LRFN2: variants seen among roughly 807,000 people sequenced by gnomAD.
LRFN2 encodes leucine-rich repeat and fibronectin type-III domain-containing protein 2.
A neutral mutation model predicts 37.3 loss-of-function variants in LRFN2; 18 were observed. That is an observed-to-expected ratio of 0.48 (90% confidence interval 0.33 to 0.72). The LOEUF is 0.72. Ranked by LOEUF, LRFN2 falls within the 30% of genes least tolerant of loss-of-function variation. LRFN2 has a pLI of 0.02. For missense variants in LRFN2, 1,006 were observed against 1,060.7 expected (o/e 0.95, Z 0.72); for synonymous variants, 556 against 466.6 (o/e 1.19, Z -2.47).
intron 1 of LRFN2, among the ~76,000 whole-genome samples, chr6:40,569,173 A>C (rs1767143664): frequency 6.6e-6 from 1 of 152,228 alleles, no homozygotes; most frequent in South Asian, 2.1e-4. Context: ...GGCAGGAAGC[A>C]TGAGTCCCCA....
At chr6:40,547,617 G>C (rs1766690926) in intron 1 of LRFN2, among the ~76,000 whole-genome samples, 1 of 152,148 alleles carries the variant, frequency 6.6e-6, no homozygotes, top group Non-Finnish European at 1.5e-5. Context: ...TGGGCATCAT[G>C]CCCTCTGCCT....
chr6:40,545,574 C>T (rs951150149), intron 1 of LRFN2, among the ~76,000 whole-genome samples: 5 of 152,080 alleles, frequency 3.3e-5, no homozygotes, highest in African/African-American at 1.2e-4. Context: ...CAGAGACACA[C>T]AGCCATGGCC....
intron 2 of LRFN2, among the ~76,000 whole-genome samples, chr6:40,403,728 C>A (rs566156551): frequency 1.2e-3 from 182 of 152,276 alleles, no homozygotes; most frequent in African/African-American, 4.3e-3. Context: ...TCCTTGCTCC[C>A]ATCCCCCAGC....
chr6:40,472,292 C>A (rs1256599979), intron 1 of LRFN2, among the ~76,000 whole-genome samples: 4 of 152,236 alleles, frequency 2.6e-5, no homozygotes, highest in African/African-American at 9.6e-5. Flanking sequence ...CCATCAAAAC[C>A]CACAGCAGGT....
chr6:40,456,495 G>C (rs1764238693), intron 1 of LRFN2, among the ~76,000 whole-genome samples: 1 of 152,190 alleles, frequency 6.6e-6, no homozygotes, highest in African/African-American at 2.4e-5. Flanking sequence ...TAGGGTCACT[G>C]ATCTCTTTGA....
At chr6:40,483,967 T>C (rs928203878) in intron 1 of LRFN2, among the ~76,000 whole-genome samples, 4 of 152,094 alleles carry the variant, frequency 2.6e-5, no homozygotes, top group Non-Finnish European at 5.9e-5. Flanking sequence ...GCCGCCTCTG[T>C]CCCCTCTCCC....
chr6:40,549,803 C>T lies in LRFN2; in HGVS notation c.-19+37138G>A, dbSNP rs144542296. ...CTGTAATCCCAGCACTTTGGGAGGC[C>T]GAGGCAGGCGGATCACCTGAGGTAA... On this transcript the variant is annotated intron_variant, in intron 1 of 2. Coordinates refer to ENST00000338305, the MANE Select transcript of LRFN2 (RefSeq NM_020737.3). 2.3e-3 allele frequency among the ~76,000 whole-genome samples: 348 copies of T among 152,098 alleles called. 2 individuals carry two copies. The highest frequency in any genetic ancestry group is 3.5e-3 in the Non-Finnish European group (239 of 67,986).
chr6:40,412,711 T>C (rs1361448417), intron 2 of LRFN2, among the ~76,000 whole-genome samples: 1 of 152,226 alleles, frequency 6.6e-6, no homozygotes, highest in African/African-American at 2.4e-5. Context: ...GGCACTGCTC[T>C]AGGTGTCTGT....
At position 40,432,214 on chromosome 6, in the gene LRFN2, A is replaced by C; in HGVS notation, c.900T>G (p.Val300=). 1 of 1,613,962 alleles carries C rather than the reference A, an allele frequency of 6.2e-7. No individual in the cohort carries two copies. The highest frequency in any genetic ancestry group is 8.5e-7 in the Non-Finnish European group (1 of 1,180,036). The change falls in exon 2 of 3, where the codon GTT becomes GTG. Residue 300 remains valine (V), a synonymous_variant. Coordinates refer to ENST00000338305, the MANE Select transcript of LRFN2 (RefSeq NM_020737.3). ...LITQHTHKLL[V]LEGQAATLKC... ...TGAGTGTGGCCGCCTGGCCCTCCAG[A>C]ACCAGCAACTTGTGTGTGTGCTGGG... is the stretch of plus-strand genomic sequence containing the variant.
At chr6:40,457,637 TAAAAAAA>T (rs70984171) in intron 1 of LRFN2, among the ~76,000 whole-genome samples, 22 of 101,422 alleles carry the variant, frequency 2.2e-4, no homozygotes, top group Non-Finnish European at 3.3e-4. Flanking sequence ...AGACCCTGTT[TAAAAAAA>T]AAAAAAAAAA....
At chr6:40,445,488 G>A (rs1024236393) in intron 1 of LRFN2, among the ~76,000 whole-genome samples, 3 of 152,176 alleles carry the variant, frequency 2.0e-5, no homozygotes, top group African/African-American at 7.2e-5. Flanking sequence ...TGGAGGAGGT[G>A]GTGCTGATTG....
intron 1 of LRFN2, among the ~76,000 whole-genome samples, chr6:40,482,537 A>AC (rs1203230183): frequency 2.6e-5 from 4 of 152,224 alleles, no homozygotes; most frequent in Non-Finnish European, 5.9e-5. Flanking sequence ...GGCAAGGGGT[A>AC]CAAAGACAGC....
At chr6:40,476,437 C>T (rs1284774267) in intron 1 of LRFN2, among the ~76,000 whole-genome samples, 2 of 152,252 alleles carry the variant, frequency 1.3e-5, no homozygotes, top group African/African-American at 4.8e-5. Context: ...GGCCCACATT[C>T]TCTTGTGTGT....
intron 1 of LRFN2, among the ~76,000 whole-genome samples, chr6:40,564,991 A>T (rs962834438): frequency 1.8e-4 from 27 of 152,208 alleles, no homozygotes; most frequent in Non-Finnish European, 1.6e-4. Context: ...ACAAAGACTC[A>T]GAAACACACC....
chr6:40,441,343 T>A (rs541815498), intron 1 of LRFN2, among the ~76,000 whole-genome samples: 6 of 152,202 alleles, frequency 3.9e-5, no homozygotes, highest in Admixed American at 2.0e-4. Flanking sequence ...GTGAGGAAGA[T>A]CTGTGCAACA....
At chr6:40,414,191 A>G (rs1318411087) in intron 2 of LRFN2, among the ~76,000 whole-genome samples, 1 of 152,100 alleles carries the variant, frequency 6.6e-6, no homozygotes, top group Non-Finnish European at 1.5e-5. Context: ...CCTAGGAAAG[A>G]ATCGTAACCC....
chr6:40,577,838 AAT>A (rs1491527161), intron 1 of LRFN2, among the ~76,000 whole-genome samples: 7,483 of 146,444 alleles, frequency 0.051, 213 homozygotes, highest in Admixed American at 0.06. Flanking sequence ...AATAAATAAA[AAT>A]AAAAGATCCA....
At chr6:40,520,523 G>C (rs903865547) in intron 1 of LRFN2, among the ~76,000 whole-genome samples, 1 of 152,196 alleles carries the variant, frequency 6.6e-6, no homozygotes, top group Non-Finnish European at 1.5e-5. Context: ...TAACCATCCA[G>C]CCATCTGTCC....
chr6:40,505,493 G>C (rs1029454072), intron 1 of LRFN2, among the ~76,000 whole-genome samples: 1 of 152,164 alleles, frequency 6.6e-6, no homozygotes, highest in African/African-American at 2.4e-5. Flanking sequence ...CAACTCTAAA[G>C]TCAATTACAG....
Sources: allele counts gnomAD v4.1 joint callset (sites outside exome capture counted in the v4.1 genomes callset), GRCh38; gene constraint gnomAD v4.1.1; transcripts MANE v1.5; gene names NCBI Gene and HGNC (gene_info 2026-07-23, HGNC 2026-07-21).